HPSE2: variants seen among roughly 807,000 people sequenced by gnomAD.
HPSE2 encodes the protein heparanase 2 (inactive).
In HPSE2, 38 loss-of-function variants were observed where a neutral mutation model predicts 60.5. The observed-to-expected ratio is 0.63, with a 90% CI of 0.48 to 0.82. The LOEUF (loss-of-function observed/expected upper bound fraction) is 0.82. HPSE2 is among the 40% of genes least tolerant of loss of function. HPSE2 has a pLI of 0.00. For missense variants in HPSE2, 713 were observed against 740.4 expected (o/e 0.96, Z 0.43); for synonymous variants, 295 against 293.2 (o/e 1.01, Z -0.06).
At chr10:99,013,869 C>A in intron 3 of HPSE2, 1 of 367,904 alleles carries the variant, frequency 2.7e-6, no homozygotes, top group Non-Finnish European at 5.5e-6. Flanking sequence ...TGGTAGTTTT[C>A]CCTGCACTAT....
At chr10:98,987,247 A>G (rs933983344) in intron 3 of HPSE2, among the ~76,000 whole-genome samples, 3 of 152,352 alleles carry the variant, frequency 2.0e-5, no homozygotes, top group Admixed American at 6.5e-5. Flanking sequence ...AAAATCCTCA[A>G]TAAAATACTG....
chr10:98,521,745 C>T (rs1388501436), intron 9 of HPSE2, among the ~76,000 whole-genome samples: 2 of 152,150 alleles, frequency 1.3e-5, no homozygotes, highest in Non-Finnish European at 2.9e-5. Flanking sequence ...AAATGTCCAT[C>T]AATGATAGAC....
chr10:99,081,588 G>GATA (rs1305891702), intron 3 of HPSE2, among the ~76,000 whole-genome samples: 1 of 144,040 alleles, frequency 6.9e-6, no homozygotes, highest in East Asian at 2.0e-4. Flanking sequence ...TAAAGATGAT[G>GATA]ATGATGATGA....
At chr10:98,633,990 G>C (rs1026756775) in intron 7 of HPSE2, among the ~76,000 whole-genome samples, 1 of 152,022 alleles carries the variant, frequency 6.6e-6, no homozygotes, top group Non-Finnish European at 1.5e-5. Flanking sequence ...AATATTATTC[G>C]GGGCCACAAA....
At chr10:99,104,441 G>A (rs890601735) in intron 3 of HPSE2, among the ~76,000 whole-genome samples, 29 of 152,164 alleles carry the variant, frequency 1.9e-4, no homozygotes, top group African/African-American at 7.0e-4. Flanking sequence ...TGGAGAAATA[G>A]GAACACTTTT....
chr10:98,767,631 A>G (rs1301864574), intron 3 of HPSE2, among the ~76,000 whole-genome samples: 1 of 146,286 alleles, frequency 6.8e-6, no homozygotes, highest in Non-Finnish European at 1.5e-5. Flanking sequence ...GTTAATATGT[A>G]ATATTTATTA....
chr10:99,090,258 A>G (rs1377137427), intron 3 of HPSE2, among the ~76,000 whole-genome samples: 1 of 152,032 alleles, frequency 6.6e-6, no homozygotes, highest in Non-Finnish European at 1.5e-5. Flanking sequence ...TTTTCTCCAT[A>G]GCACTCATCA....
intron 2 of HPSE2, among the ~76,000 whole-genome samples, chr10:99,154,750 C>A (rs1462572960): frequency 6.6e-6 from 1 of 151,338 alleles, no homozygotes; most frequent in Admixed American, 6.6e-5. Flanking sequence ...TCACACATAA[C>A]AATATTAACT....
chr10:99,250,735 C>A, the HPSE2 span, among the ~76,000 whole-genome samples: 76 of 152,234 alleles, frequency 5.0e-4, no homozygotes, highest in Non-Finnish European at 9.4e-4. Context: ...AAAAATTAAA[C>A]AATTTTCTCC....
At chr10:98,669,904 A>G (rs951853784) in intron 6 of HPSE2, among the ~76,000 whole-genome samples, 5 of 152,110 alleles carry the variant, frequency 3.3e-5, no homozygotes, top group African/African-American at 9.7e-5. Context: ...AAAAGTAAAG[A>G]AGGGGTTACA....
intron 2 of HPSE2, among the ~76,000 whole-genome samples, chr10:99,208,014 A>G (rs1046738189): frequency 1.3e-5 from 2 of 149,144 alleles, no homozygotes; most frequent in African/African-American, 4.9e-5. Context: ...ATAATTTATT[A>G]TAGTATAATT....
chr10:98,937,364 A>G (rs1954832437), intron 3 of HPSE2, among the ~76,000 whole-genome samples: 1 of 144,674 alleles, frequency 6.9e-6, no homozygotes. Flanking sequence ...GCACCTGGAA[A>G]TTCGGGTCAC....
intron 4 of HPSE2, among the ~76,000 whole-genome samples, chr10:98,729,366 T>G (rs890447307): frequency 2.0e-5 from 3 of 152,094 alleles, no homozygotes; most frequent in Non-Finnish European, 4.4e-5. Context: ...TCTCAGCACT[T>G]TGGGAGGCCA....
the HPSE2 span, among the ~76,000 whole-genome samples, chr10:99,263,194 G>A: frequency 6.6e-6 from 1 of 151,958 alleles, no homozygotes. Flanking sequence ...GTTTATTGAT[G>A]GCAGTTCCAC....
intron 1 of HPSE2, 81 bp downstream of exon 1, chr10:99,235,432 C>G (rs1173350797): frequency 1.6e-6 from 2 of 1,284,164 alleles, no homozygotes; most frequent in Non-Finnish European, 2.3e-6. Flanking sequence ...TTCTTCTTTC[C>G]CCTTTGGAAT....
chr10:99,038,421 T>C (rs1427957099), intron 3 of HPSE2, among the ~76,000 whole-genome samples: 1 of 152,100 alleles, frequency 6.6e-6, no homozygotes, highest in Non-Finnish European at 1.5e-5. Flanking sequence ...TCTCAAAAAG[T>C]CAATTACTAT....
chr10:99,247,140 C>T, the HPSE2 span, among the ~76,000 whole-genome samples: 1 of 152,188 alleles, frequency 6.6e-6, no homozygotes, highest in Admixed American at 6.5e-5. Context: ...ACATACCCTT[C>T]CATCGCCACT....
At chr10:98,810,553 T>G (rs1402517217) in intron 3 of HPSE2, among the ~76,000 whole-genome samples, 1 of 152,080 alleles carries the variant, frequency 6.6e-6, no homozygotes, top group Non-Finnish European at 1.5e-5. Context: ...GAAAGTGGTA[T>G]ATACTGAAGT....
At chr10:98,979,752 A>G (rs2135294822) in intron 3 of HPSE2, among the ~76,000 whole-genome samples, 1 of 152,320 alleles carries the variant, frequency 6.6e-6, no homozygotes, top group East Asian at 1.9e-4. Context: ...AATAGAAAGG[A>G]AATAAATCAT....
Sources: allele counts gnomAD v4.1 joint callset (sites outside exome capture counted in the v4.1 genomes callset), GRCh38; gene constraint gnomAD v4.1.1; transcripts MANE v1.5; gene names NCBI Gene and HGNC (gene_info 2026-07-23, HGNC 2026-07-21).